Variants in ZNF383 observed in about 807,000 individuals in gnomAD.
ZNF383 encodes zinc finger protein 383.
A neutral mutation model predicts 44.2 loss-of-function variants in ZNF383; 32 were observed. The ratio of observed to expected loss-of-function variants is 0.72; its 90% CI spans 0.55 to 0.97. The LOEUF is 0.97. Among genes scored for constraint, ZNF383 ranks in the 50% least tolerant of loss-of-function variants. ZNF383 has a pLI of 0.00. For synonymous variants in ZNF383, 155 were observed against 186.2 expected (o/e 0.83, Z 1.36); for missense variants, 487 against 562.5 (o/e 0.87, Z 1.36).
At chr19:37,241,568 T>C (rs182082207) in intron 5 of ZNF383, among the ~76,000 whole-genome samples, 139 of 152,240 alleles carry the variant, frequency 9.1e-4, no homozygotes, top group African/African-American at 3.1e-3. Context: ...ACAGGCACAA[T>C]TGATTAAATC....
rs756636895 is a variant in ZNF383, at chr19:37,243,183, G to T, written c.947G>T (p.Gly316Val). 1.9e-6 allele frequency: 3 copies of T among 1,614,046 alleles called. No homozygotes were observed. The highest frequency in any genetic ancestry group is 1.1e-5 in the South Asian group (1 of 91,090). Residue 316 changes from glycine to valine, a missense_variant, in exon 6 of 6, where the codon GGC becomes GTC. Physicochemically the swap from Gly to Val is moderately radical, Grantham distance 109. Transcript: ENST00000684119. The part of the protein sequence containing the change: ...GEKPYECKEC[G>V]KAFTQSSKLV... ...AAACCCTATGAATGTAAGGAATGTGGCAAAGCCTTTACCCAGAGCTCAAAG... is the reference window on the plus strand; with the variant it reads ...AAACCCTATGAATGTAAGGAATGTGTCAAAGCCTTTACCCAGAGCTCAAAG...
chr19:37,233,438 T>G (rs767535670), intron 3 of ZNF383, among the ~76,000 whole-genome samples: 126 of 141,024 alleles, frequency 8.9e-4, no homozygotes, highest in Non-Finnish European at 1.3e-3. Flanking sequence ...GCTGTTTTTA[T>G]TTTTTTTTTG....
At chr19:37,230,550 T>C in intron 3 of ZNF383, 88 bp downstream of exon 3, 1 of 1,476,330 alleles carries the variant, frequency 6.8e-7, no homozygotes, top group Non-Finnish European at 9.4e-7. Flanking sequence ...TCCTGACATT[T>C]CTGGCTAACA....
chr19:37,220,878 A>G (rs1054414860), intron 1 of ZNF383, among the ~76,000 whole-genome samples: 3 of 152,140 alleles, frequency 2.0e-5, no homozygotes, highest in African/African-American at 7.2e-5. Context: ...TTTTAACACT[A>G]TATAAATTAA....
At chr19:37,224,545 G>T (rs570790881) in intron 1 of ZNF383, among the ~76,000 whole-genome samples, 6 of 151,808 alleles carry the variant, frequency 4.0e-5, no homozygotes, top group African/African-American at 1.4e-4. Flanking sequence ...GATTTTTCTG[G>T]TTTTTTGTTT....
intron 2 of ZNF383, 121 bp from the exon 3 acceptor site, chr19:37,230,288 C>A: frequency 1.6e-6 from 1 of 618,254 alleles, no homozygotes; most frequent in Non-Finnish European, 2.9e-6. Context: ...CATATTCCTA[C>A]TAACTGGAGT....
intron 3 of ZNF383, 92 bp from the exon 4 acceptor site, chr19:37,235,457 T>A: frequency 1.2e-5 from 16 of 1,308,296 alleles, no homozygotes; most frequent in Non-Finnish European, 1.7e-5. Context: ...ACCAATATAA[T>A]GACTCATTTT....
At chr19:37,242,434 G>T in intron 5 of ZNF383, 35 bp from the exon 6 acceptor site, 1 of 1,407,410 alleles carries the variant, frequency 7.1e-7, no homozygotes, top group Non-Finnish European at 9.7e-7. Context: ...TCACAAATAG[G>T]AAAAAAGAAC....
At chr19:37,238,319 T>C (rs1289471674) in intron 5 of ZNF383, among the ~76,000 whole-genome samples, 4 of 143,350 alleles carry the variant, frequency 2.8e-5, no homozygotes, top group Non-Finnish European at 4.5e-5. Context: ...TTTAGAATTA[T>C]ATATCACTTA....
At chr19:37,228,679 T>C (rs1973301438) in intron 2 of ZNF383, among the ~76,000 whole-genome samples, 1 of 152,094 alleles carries the variant, frequency 6.6e-6, no homozygotes, top group African/African-American at 2.4e-5. Flanking sequence ...GAGGCCACTG[T>C]TGTGATGGGT....
chr19:37,221,833 A>G (rs538354494), intron 1 of ZNF383, among the ~76,000 whole-genome samples: 65 of 151,126 alleles, frequency 4.3e-4, no homozygotes, highest in Non-Finnish European at 8.4e-4. Context: ...GCGGCCGCCT[A>G]TAGTCCCAGC....
At chr19:37,225,407 T>G (rs1973110688) in intron 2 of ZNF383, among the ~76,000 whole-genome samples, 1 of 152,220 alleles carries the variant, frequency 6.6e-6, no homozygotes, top group Non-Finnish European at 1.5e-5. Flanking sequence ...CATTTTTAAA[T>G]GTACATTCCA....
intron 3 of ZNF383, among the ~76,000 whole-genome samples, chr19:37,235,007 C>T: frequency 6.6e-6 from 1 of 152,114 alleles, no homozygotes; most frequent in Non-Finnish European, 1.5e-5. Flanking sequence ...GGTACAGTGG[C>T]TCATGTCGTA....
intron 3 of ZNF383, among the ~76,000 whole-genome samples, chr19:37,235,127 G>T (rs1973717737): frequency 6.6e-6 from 1 of 152,076 alleles, no homozygotes; most frequent in African/African-American, 2.4e-5. Context: ...ACAAAAATTA[G>T]CTAGGTGTGG....
intron 1 of ZNF383, among the ~76,000 whole-genome samples, chr19:37,221,095 T>C (rs1972899477): frequency 6.6e-6 from 1 of 152,214 alleles, no homozygotes; most frequent in Non-Finnish European, 1.5e-5. Context: ...TGCTGGGCCA[T>C]ACAGTATGTT....
intron 3 of ZNF383, among the ~76,000 whole-genome samples, chr19:37,230,699 G>A (rs912354420): frequency 2.0e-5 from 3 of 151,884 alleles, no homozygotes; most frequent in African/African-American, 7.3e-5. Flanking sequence ...CTCTTTTTCT[G>A]AACTCTTTCC....
At chr19:37,222,153 C>CT (rs1360474428) in intron 1 of ZNF383, among the ~76,000 whole-genome samples, 3 of 149,184 alleles carry the variant, frequency 2.0e-5, no homozygotes, top group East Asian at 2.1e-4. Context: ...TGCTTGGCTT[C>CT]TTTTTTTTTC....
chr19:37,239,361 A>G (rs1973970077), intron 5 of ZNF383, among the ~76,000 whole-genome samples: 1 of 152,218 alleles, frequency 6.6e-6, no homozygotes, highest in Non-Finnish European at 1.5e-5. Flanking sequence ...AGATACGTTC[A>G]TATTATTTTA....
rs1292947036 is a variant in ZNF383, at chr19:37,243,107, T to G, written c.871T>G (p.Phe291Val). The G allele has an allele frequency of 6.2e-7, 1 of 1,614,100 alleles. No homozygotes were observed. The highest frequency in any genetic ancestry group is 1.7e-5 in the Admixed American group (1 of 60,006). Residue 291 changes from phenylalanine (F) to valine (V), a missense_variant, in exon 6 of 6, where the codon TTT becomes GTT. By Grantham distance (50) the Phe-to-Val change is conservative. Coordinates refer to ENST00000684119, the MANE Select transcript of ZNF383 (RefSeq NM_001387601.1). ...TGAATGTAAAGTATGTGGGAAAGCC[T>G]TTACTAAGAGCTCACAACTTTTTCA... The part of the protein sequence containing the change: ...PYECKVCGKA[F>V]TKSSQLFQHA...
Sources: allele counts gnomAD v4.1 joint callset (sites outside exome capture counted in the v4.1 genomes callset), GRCh38; gene constraint gnomAD v4.1.1; transcripts MANE v1.5; gene names NCBI Gene and HGNC (gene_info 2026-07-23, HGNC 2026-07-21).